Variants in BMPER observed in about 807,000 individuals in gnomAD.
The protein encoded by BMPER is BMP-binding endothelial regulator protein.
BMPER carries 45 observed loss-of-function variants against 87.3 expected under a neutral mutation model. The ratio of observed to expected loss-of-function variants is 0.52; its 90% CI spans 0.41 to 0.66. The LOEUF (loss-of-function observed/expected upper bound fraction) is 0.66, where lower values mean the gene tolerates loss of function less well. BMPER is among the 30% of genes least tolerant of loss of function. The pLI, the probability that BMPER is intolerant of heterozygous loss-of-function variation, is 0.00. For synonymous variants in BMPER, 326 were observed against 316.2 expected, an observed-to-expected ratio of 1.03 and a Z score of -0.33; for missense variants, 784 against 867.5, an observed-to-expected ratio of 0.90 and a Z score of 1.21.
chr7:34,040,525 A>ATT (rs1194443982), intron 6 of BMPER, among the ~76,000 whole-genome samples: 65 of 148,260 alleles, frequency 4.4e-4, no homozygotes, highest in African/African-American at 1.5e-3. Flanking sequence ...GCTGTCAATA[A>ATT]TTTTTTTTTT....
chr7:34,153,388 G>A lies in BMPER; in HGVS notation c.*115G>A, dbSNP rs1307914268. Reference sequence around the variant, plus strand: ...GATTCTGTAAACACACACACACAGAGTATATATGTGTATATATATATAGAT... The same window carrying A: ...GATTCTGTAAACACACACACACAGAATATATATGTGTATATATATATAGAT... On this transcript the variant is annotated 3_prime_UTR_variant, in exon 15 of 15. Coordinates refer to ENST00000649409, the MANE Select transcript of BMPER (RefSeq NM_001365308.1). 22 of 884,230 alleles carry A rather than the reference G, an allele frequency of 2.5e-5. No individual in the cohort carries two copies. The highest frequency in any genetic ancestry group is 3.8e-5 in the Non-Finnish European group (21 of 551,962). 54.8% of individuals were successfully genotyped at this position (884,230 alleles called of 1,614,324 possible). A position where few individuals can be genotyped will look rare whatever the true frequency, so the allele number is the denominator to read the frequency against.
At chr7:34,053,004 G>C (rs1266378508) in intron 8 of BMPER, among the ~76,000 whole-genome samples, 1 of 152,098 alleles carries the variant, frequency 6.6e-6, no homozygotes, top group Non-Finnish European at 1.5e-5. Flanking sequence ...TCTCCACTAA[G>C]AATTTCGCAG....
chr7:34,089,781 C>G (rs567346937), intron 13 of BMPER, among the ~76,000 whole-genome samples: 2 of 152,002 alleles, frequency 1.3e-5, no homozygotes, highest in Non-Finnish European at 2.9e-5. Flanking sequence ...ACTGTGCCCA[C>G]CCTGCAATGT....
intron 2 of BMPER, chr7:33,922,072 C>T: frequency 3.1e-6 from 1 of 322,026 alleles, no homozygotes; most frequent in Non-Finnish European, 6.3e-6. Flanking sequence ...TTTCTGCCCA[C>T]ACCTTTCTTT....
intron 13 of BMPER, among the ~76,000 whole-genome samples, chr7:34,098,135 G>A (rs531267226): frequency 1.1e-4 from 17 of 152,258 alleles, no homozygotes; most frequent in South Asian, 4.2e-4. Context: ...TCTCCTGGTC[G>A]CTGAGATGCT....
chr7:34,104,962 A>G (rs939832673), intron 13 of BMPER, among the ~76,000 whole-genome samples: 1 of 152,134 alleles, frequency 6.6e-6, no homozygotes, highest in African/African-American at 2.4e-5. Context: ...TACCCCATAC[A>G]TGTAGTTTTA....
In BMPER at chr7:34,000,736, T is replaced by G. The variant is rs902098007; in HGVS notation, c.576+25952T>G. On this transcript the variant is annotated intron_variant, in intron 6 of 14. Transcript: ENST00000649409. ...TCAAAATTAAAAGTTAGTGAAAAAATAGAAAGTTGTCGCAAAGGTATTTCT... is the reference window on the plus strand; with the variant it reads ...TCAAAATTAAAAGTTAGTGAAAAAAGAGAAAGTTGTCGCAAAGGTATTTCT... Among the ~76,000 whole-genome samples the G allele has an allele frequency of 5.3e-5, 8 of 152,232 alleles. No homozygotes were observed. In the South Asian group the frequency reaches 8.3e-4, roughly 16 times the overall value.
At chr7:34,094,952 A>T (rs1432429202) in intron 13 of BMPER, among the ~76,000 whole-genome samples, 2 of 152,190 alleles carry the variant, frequency 1.3e-5, no homozygotes, top group African/African-American at 2.4e-5. Context: ...TTTATTTTAC[A>T]TGGTCATTGC....
chr7:34,045,104 A>C (rs1369623873), intron 6 of BMPER, among the ~76,000 whole-genome samples: 1 of 152,176 alleles, frequency 6.6e-6, no homozygotes, highest in African/African-American at 2.4e-5. Context: ...AAGACAAGCA[A>C]CCTGCGGGTA....
At chr7:33,958,195 C>T (rs539813720) in intron 3 of BMPER, among the ~76,000 whole-genome samples, 4 of 152,320 alleles carry the variant, frequency 2.6e-5, no homozygotes, top group South Asian at 4.1e-4. Context: ...ACTTTTTATA[C>T]GTCACCCACC....
intron 8 of BMPER, among the ~76,000 whole-genome samples, chr7:34,054,424 A>G (rs75353220): frequency 0.11 from 16,105 of 152,242 alleles, 980 homozygotes; most frequent in African/African-American, 0.17. Context: ...TTCCAATTGA[A>G]GTTGGTTTAT....
rs768576025 is a variant in BMPER at position 34,143,364 on chromosome 7, A to G, written c.1876+4A>G. On this transcript the variant is annotated splice_donor_region_variant and intron_variant, in intron 14 of 14. Coordinates refer to ENST00000649409, the MANE Select transcript of BMPER (RefSeq NM_001365308.1). ...GAGCCTCAGCAGAATTGTGCAGGTAAGAAAGTCCTGCTGGATCTACCCATC... is the reference window on the plus strand; with the variant it reads ...GAGCCTCAGCAGAATTGTGCAGGTAGGAAAGTCCTGCTGGATCTACCCATC... 3 of 1,613,734 alleles carry G rather than the reference A, an allele frequency of 1.9e-6. No homozygotes were observed. Among genetic ancestry groups the G allele is most frequent in the Admixed American group, 1.7e-5 (1 of 59,944 alleles).
At chr7:33,909,195 A>G (rs1280149274) in intron 2 of BMPER, among the ~76,000 whole-genome samples, 1 of 152,120 alleles carries the variant, frequency 6.6e-6, no homozygotes, top group African/African-American at 2.4e-5. Flanking sequence ...TATTTTACAG[A>G]TGAGGAAACT....
intron 13 of BMPER, among the ~76,000 whole-genome samples, chr7:34,106,941 C>T (rs534406580): frequency 6.6e-5 from 10 of 152,274 alleles, no homozygotes; most frequent in East Asian, 1.9e-4. Context: ...GATGTTTGTG[C>T]GGTCTTTCCT....
chr7:33,980,330 A>C lies in BMPER; in HGVS notation c.576+5546A>C, dbSNP rs555995648. Among the ~76,000 whole-genome samples, 6 of 152,340 alleles carry C rather than the reference A, an allele frequency of 3.9e-5. No individual in the cohort carries two copies. In the South Asian group the frequency reaches 1.2e-3, roughly 32 times the overall value. On this transcript the variant is annotated intron_variant, in intron 6 of 14. Transcript: ENST00000649409. ...TTCTTTATGAGATGTGTTCAGTGCG[A>C]ATAAGCACTATATTCATGTTTAAAT...
At chr7:34,147,385 T>G (rs1791056712) in intron 14 of BMPER, among the ~76,000 whole-genome samples, 1 of 152,248 alleles carries the variant, frequency 6.6e-6, no homozygotes, top group South Asian at 2.1e-4. Flanking sequence ...ACATAATGTT[T>G]TTATGTTTCA....
At chr7:33,947,831 C>T (rs1453505040) in intron 3 of BMPER, among the ~76,000 whole-genome samples, 4 of 151,540 alleles carry the variant, frequency 2.6e-5, no homozygotes, top group Admixed American at 6.6e-5. Context: ...AGTGCTGCTT[C>T]GAGAATGACC....
Position 34,051,985 on chromosome 7 carries a change from A to G in BMPER, c.786+15A>G. 1 of 1,596,888 alleles carries G rather than the reference A, an allele frequency of 6.3e-7. No individual in the cohort carries two copies. The highest frequency in any genetic ancestry group is 8.6e-7 in the Non-Finnish European group (1 of 1,164,332). On this transcript the variant is annotated intron_variant, in intron 8 of 14. Coordinates refer to ENST00000649409, the MANE Select transcript of BMPER (RefSeq NM_001365308.1). ...GTACCTGCAGGGTAAGGCAGCTCTGAGAGGCTGTGGTCCAGCAATGATAGG... is the reference window on the plus strand; with the variant it reads ...GTACCTGCAGGGTAAGGCAGCTCTGGGAGGCTGTGGTCCAGCAATGATAGG...
intron 13 of BMPER, among the ~76,000 whole-genome samples, chr7:34,102,842 T>C (rs1789716871): frequency 6.6e-6 from 1 of 152,016 alleles, no homozygotes; most frequent in Non-Finnish European, 1.5e-5. Flanking sequence ...TATGAGGTGA[T>C]TGCCACAAAG....
Sources: allele counts gnomAD v4.1 joint callset (sites outside exome capture counted in the v4.1 genomes callset), GRCh38; gene constraint gnomAD v4.1.1; transcripts MANE v1.5; gene names NCBI Gene and HGNC (gene_info 2026-07-23, HGNC 2026-07-21).